Variants in DLG2 observed in about 807,000 individuals in gnomAD.
The protein encoded by DLG2 is discs large MAGUK scaffold protein 2.
A neutral mutation model predicts 132.5 loss-of-function variants in DLG2; 45 were observed. The ratio of observed to expected loss-of-function variants is 0.34; its 90% CI spans 0.27 to 0.44. The LOEUF is 0.44. Among genes scored for constraint, DLG2 ranks in the 20% least tolerant of loss-of-function variants. DLG2 has a pLI of 1.00. For synonymous variants in DLG2, 424 were observed against 419.6 expected (o/e 1.01, Z -0.13); for missense variants, 1,045 against 1,196.9 (o/e 0.87, Z 1.87).
At chr11:84,637,056 G>C (rs1176755960) in intron 6 of DLG2, among the ~76,000 whole-genome samples, 1 of 152,018 alleles carries the variant, frequency 6.6e-6, no homozygotes, top group Non-Finnish European at 1.5e-5. Flanking sequence ...CCAGAGTGCT[G>C]GGATTATAGG....
intron 6 of DLG2, among the ~76,000 whole-genome samples, chr11:84,824,821 C>T (rs1276408740): frequency 2.6e-5 from 4 of 151,830 alleles, no homozygotes; most frequent in Non-Finnish European, 5.9e-5. Context: ...ACCAGACGCC[C>T]ACAGTGCATG....
At chr11:84,366,812 C>G (rs1346593019) in intron 7 of DLG2, among the ~76,000 whole-genome samples, 5 of 152,110 alleles carry the variant, frequency 3.3e-5, no homozygotes, top group Non-Finnish European at 5.9e-5. Context: ...ATTCATAAAG[C>G]AAGTCCTGAG....
In DLG2 at chr11:84,981,544, G is replaced by A. The variant is rs968369147; in HGVS notation, c.357+130117C>T. Among the ~76,000 whole-genome samples the A allele has an allele frequency of 1.3e-5, 2 of 152,126 alleles. 1 individual carries two copies. Among genetic ancestry groups the A allele is most frequent in the Admixed American group, 1.3e-4 (2 of 15,256 alleles). ...AGGTCTATAGGCTCCCATTTCCCAA[G>A]TTATGTGGGATGACTCATTTTTTTC... On this transcript the variant is annotated intron_variant, in intron 6 of 27. Transcript: ENST00000376104.
At chr11:84,221,845 T>C (rs571008178) in intron 8 of DLG2, among the ~76,000 whole-genome samples, 1 of 152,200 alleles carries the variant, frequency 6.6e-6, no homozygotes, top group East Asian at 1.9e-4. Context: ...ATAGATAAAT[T>C]TGGCCCTCAG....
chr11:85,300,929 G>A (rs552123179), intron 3 of DLG2, among the ~76,000 whole-genome samples: 3 of 152,210 alleles, frequency 2.0e-5, no homozygotes, highest in South Asian at 2.1e-4. Flanking sequence ...GACTGGCCGC[G>A]GTGACTCACG....
At position 85,287,459 on chromosome 11, in the gene DLG2, T is replaced by C. The variant is rs528889207; in HGVS notation, c.41-2094A>G. Among the ~76,000 whole-genome samples, 22 of 152,192 alleles carry C rather than the reference T, an allele frequency of 1.4e-4. No homozygotes were observed. The South Asian group carries it at 4.1e-3, about 29-fold the overall frequency. ...TGATAAAAAATACAAACTAAGATCATAGTCAAATGCCATTTACATCAAAAA... is the reference window on the plus strand; with the variant it reads ...TGATAAAAAATACAAACTAAGATCACAGTCAAATGCCATTTACATCAAAAA... On this transcript the variant is annotated intron_variant, in intron 3 of 27. Transcript: ENST00000376104.
At position 84,751,296 on chromosome 11, in the gene DLG2, A is replaced by G. The variant is rs186153897; in HGVS notation, c.358-216565T>C. Among the ~76,000 whole-genome samples the G allele has an allele frequency of 2.0e-5, 3 of 152,254 alleles. No individual in the cohort carries two copies. The East Asian group carries it at 5.8e-4, about 29-fold the overall frequency. On this transcript the variant is annotated intron_variant, in intron 6 of 27. Transcript: ENST00000376104. Reference sequence around the variant, plus strand: ...TGTGCTTTATCTCACTTAATCCTCAAAAGAACAAATATGAGGTGCATATAT... The same window carrying G: ...TGTGCTTTATCTCACTTAATCCTCAGAAGAACAAATATGAGGTGCATATAT...
chr11:84,926,220 T>C (rs1002774080), intron 6 of DLG2, among the ~76,000 whole-genome samples: 1 of 151,988 alleles, frequency 6.6e-6, no homozygotes, highest in East Asian at 1.9e-4. Context: ...GAAAAGGTTA[T>C]TAAAATTGAC....
chr11:83,536,744 G>A lies in DLG2; in HGVS notation c.2118-3961C>T, dbSNP rs3793946. Among the ~76,000 whole-genome samples the A allele has an allele frequency of 2.5e-4, 38 of 151,926 alleles. No individual in the cohort carries two copies. The South Asian group carries it at 7.9e-3, about 32-fold the overall frequency. On this transcript the variant is annotated intron_variant, in intron 20 of 27. Transcript: ENST00000376104. Reference sequence around the variant, plus strand: ...TGCTTAATGAGACTTTGTTGAATGAGTAAATAAATAAACTCTCAAGGGGGC... The same window carrying A: ...TGCTTAATGAGACTTTGTTGAATGAATAAATAAATAAACTCTCAAGGGGGC...
chr11:84,534,697 T>A lies in DLG2; in HGVS notation c.392A>T (p.Asp131Val). 1 of 1,614,036 alleles carries A rather than the reference T, an allele frequency of 6.2e-7. No homozygotes were observed. Among genetic ancestry groups the A allele is most frequent in the Non-Finnish European group, 8.5e-7 (1 of 1,179,942 alleles). The change falls in exon 7 of 28, where the codon GAT becomes GTT. Residue 131 changes from aspartate to valine, a missense_variant. Physicochemically the swap from Asp to Val is radical, Grantham distance 152. This residue lies in a region of DLG2 where 277 missense variants were observed against 238.2 expected (regional missense o/e 1.16). Coordinates refer to ENST00000376104, the MANE Select transcript of DLG2 (RefSeq NM_001142699.3). ...YRYQDEDAPH[D>V]HSLPRLTHEV... is the part of the protein sequence containing the mutation. Reference sequence around the variant, plus strand: ...GTGGGTTAGTCGAGGTAAGGAATGATCATGTGGAGCGTCCTCATCTTGATA... The same window carrying A: ...GTGGGTTAGTCGAGGTAAGGAATGAACATGTGGAGCGTCCTCATCTTGATA...
At chr11:85,623,310 A>AT (rs202111117) in intron 2 of DLG2, among the ~76,000 whole-genome samples, 208 of 146,844 alleles carry the variant, frequency 1.4e-3, no homozygotes, top group Admixed American at 1.5e-3. Flanking sequence ...CAATAGGACA[A>AT]TTTTTTTTTT....
At chr11:85,031,149 C>A (rs1383009439) in intron 6 of DLG2, among the ~76,000 whole-genome samples, 1 of 151,636 alleles carries the variant, frequency 6.6e-6, no homozygotes. Flanking sequence ...CTTTTTGTTT[C>A]TTTGGGGCTC....
chr11:84,738,051 T>C (rs912974467), intron 6 of DLG2, among the ~76,000 whole-genome samples: 2 of 152,058 alleles, frequency 1.3e-5, no homozygotes, highest in African/African-American at 4.8e-5. Context: ...TACATTCCTC[T>C]AGAGCGCAGC....
At chr11:84,179,765 A>G (rs1221953465) in intron 8 of DLG2, among the ~76,000 whole-genome samples, 3 of 152,098 alleles carry the variant, frequency 2.0e-5, no homozygotes, top group African/African-American at 7.2e-5. Context: ...GCCTAACATA[A>G]CTGGGGAAAG....
At chr11:85,128,696 T>A (rs1365052434) in intron 5 of DLG2, among the ~76,000 whole-genome samples, 1 of 152,174 alleles carries the variant, frequency 6.6e-6, no homozygotes, top group Admixed American at 6.5e-5. Context: ...ATTTTAGTTG[T>A]GAAACTTATT....
intron 3 of DLG2, among the ~76,000 whole-genome samples, chr11:85,324,113 G>T (rs1596255337): frequency 6.6e-6 from 1 of 152,258 alleles, no homozygotes; most frequent in Admixed American, 6.5e-5. Flanking sequence ...GGGGTAGGGG[G>T]TCACACAGTC....
intron 15 of DLG2, among the ~76,000 whole-genome samples, chr11:83,929,252 A>G (rs1276506956): frequency 6.6e-6 from 1 of 152,222 alleles, no homozygotes; most frequent in African/African-American, 2.4e-5. Context: ...TATTCTTAGC[A>G]GACCCTCTTG....
chr11:84,423,963 G>C (rs1010549768), intron 7 of DLG2, among the ~76,000 whole-genome samples: 4 of 152,064 alleles, frequency 2.6e-5, no homozygotes, highest in Admixed American at 1.3e-4. Flanking sequence ...CTATATAATT[G>C]AGCAACAAAT....
chr11:84,050,269 T>A (rs149414395), intron 11 of DLG2, among the ~76,000 whole-genome samples: 5 of 151,572 alleles, frequency 3.3e-5, no homozygotes, highest in Non-Finnish European at 7.4e-5. Flanking sequence ...AAGCCTATTA[T>A]AGTACGCCAG....
Sources: gnomAD v4.1 joint callset for allele counts (sites outside exome capture counted in the v4.1 genomes callset) on GRCh38, gnomAD v4.1.1 for gene constraint, gnomAD v4.1.1 regional missense constraint, MANE v1.5 for transcripts, NCBI Gene and HGNC (gene_info 2026-07-23, HGNC 2026-07-21) for gene names.